The following C1QTNF7 variants were observed in gnomAD, a reference collection of about 807,000 sequenced individuals.
C1QTNF7 encodes the protein complement C1q tumor necrosis factor-related protein 7.
In C1QTNF7, 15 loss-of-function variants were observed where a neutral mutation model predicts 19.6. That is an observed-to-expected ratio of 0.76 (90% CI 0.51 to 1.18). The LOEUF (loss-of-function observed/expected upper bound fraction) is 1.18, where lower values mean the gene tolerates loss of function less well. Among genes scored for constraint, C1QTNF7 ranks in the 50% most tolerant of loss-of-function variants. The pLI is 0.00. For synonymous variants in C1QTNF7, 142 were observed against 137.5 expected, an observed-to-expected ratio of 1.03 and a Z score of -0.23; for missense variants, 324 against 359.7, an observed-to-expected ratio of 0.90 and a Z score of 0.80.
chr4:15,364,055 T>A (rs1214704335), intron 1 of C1QTNF7, among the ~76,000 whole-genome samples: 2 of 152,222 alleles, frequency 1.3e-5, no homozygotes, highest in Non-Finnish European at 2.9e-5. Context: ...TAATTAATCT[T>A]GTTATGATCC....
At chr4:15,439,167 G>A (rs145012116) in intron 2 of C1QTNF7, among the ~76,000 whole-genome samples, 1 of 152,292 alleles carries the variant, frequency 6.6e-6, no homozygotes, top group Non-Finnish European at 1.5e-5. Flanking sequence ...CACTCTTAAT[G>A]TGTGGAACCT....
intron 2 of C1QTNF7, among the ~76,000 whole-genome samples, chr4:15,440,569 G>A (rs1023662363): frequency 2.6e-5 from 4 of 151,916 alleles, no homozygotes; most frequent in Non-Finnish European, 4.4e-5. Flanking sequence ...CACCACGTCC[G>A]GCTAATTTTT....
chr4:15,420,506 A>G (rs1711697263), intron 1 of C1QTNF7, among the ~76,000 whole-genome samples: 4 of 152,246 alleles, frequency 2.6e-5, no homozygotes, highest in Admixed American at 1.3e-4. Flanking sequence ...CTGCACCAAC[A>G]GAAATCAACA....
intron 1 of C1QTNF7, among the ~76,000 whole-genome samples, chr4:15,402,339 T>G (rs1213672066): frequency 6.6e-6 from 1 of 152,200 alleles, no homozygotes; most frequent in Non-Finnish European, 1.5e-5. Context: ...ATTCAAGGAC[T>G]GTATTAACAA....
In C1QTNF7 at chr4:15,442,580, G is replaced by A; in HGVS notation, c.651G>A (p.Arg217=). 1 of 1,614,170 alleles carries A rather than the reference G, an allele frequency of 6.2e-7. No homozygotes were observed. The highest frequency in any genetic ancestry group is 8.5e-7 in the Non-Finnish European group (1 of 1,180,042). Residue 217 remains arginine, a synonymous_variant, in exon 3 of 3, where the codon CGG becomes CGA. Coordinates refer to ENST00000444304, the MANE Select transcript of C1QTNF7 (RefSeq NM_031911.5). The stretch of plus-strand genomic sequence containing the variant: ...GACTGGTACACAATGGGCAATACCG[G>A]ATAAAGACCTTCGACGCCAACACAG... ...AIGLVHNGQY[R]IKTFDANTGN...
At chr4:15,356,898 T>G (rs1227333369) in intron 1 of C1QTNF7, among the ~76,000 whole-genome samples, 1 of 152,186 alleles carries the variant, frequency 6.6e-6, no homozygotes, top group Non-Finnish European at 1.5e-5. Flanking sequence ...ATGTCTCTTT[T>G]GAGAAGTGTC....
intron 1 of C1QTNF7, among the ~76,000 whole-genome samples, chr4:15,354,864 G>T (rs2109292433): frequency 6.6e-6 from 1 of 152,200 alleles, no homozygotes; most frequent in African/African-American, 2.4e-5. Context: ...GGGTTCACTT[G>T]ACCTTGGCCA....
chr4:15,348,466 A>G (rs554013064), intron 1 of C1QTNF7, among the ~76,000 whole-genome samples: 167 of 152,234 alleles, frequency 1.1e-3, no homozygotes, highest in African/African-American at 3.9e-3. Context: ...TTCCTCAGAG[A>G]TATGTTATCA....
chr4:15,349,350 G>A (rs1007576796), intron 1 of C1QTNF7, among the ~76,000 whole-genome samples: 1 of 151,876 alleles, frequency 6.6e-6, no homozygotes, highest in Non-Finnish European at 1.5e-5. Flanking sequence ...TTGCATTTAC[G>A]CTGTATTTTC....
chr4:15,349,677 T>C (rs1434733695), intron 1 of C1QTNF7, among the ~76,000 whole-genome samples: 3 of 152,158 alleles, frequency 2.0e-5, no homozygotes, highest in Non-Finnish European at 4.4e-5. Flanking sequence ...CTGGGTGAAG[T>C]ACCAAAGGAG....
At chr4:15,387,162 TCCA>T (rs1718369701) in intron 1 of C1QTNF7, among the ~76,000 whole-genome samples, 14 of 152,306 alleles carry the variant, frequency 9.2e-5, no homozygotes, top group South Asian at 4.1e-4. Flanking sequence ...CAAAGGGGAC[TCCA>T]AGTTATTTGG....
At chr4:15,421,148 G>A (rs1374965550) in intron 1 of C1QTNF7, among the ~76,000 whole-genome samples, 2 of 151,382 alleles carry the variant, frequency 1.3e-5, no homozygotes, top group Non-Finnish European at 2.9e-5. Context: ...TAAACGTTTA[G>A]AAACACCAAA....
Position 15,444,758 on chromosome 4 carries a change from C to G in C1QTNF7, c.*1959C>G, listed in dbSNP as rs898516774. 6.6e-6 allele frequency: 1 copy of G among 152,118 alleles called. No individual in the cohort carries two copies. The highest frequency in any genetic ancestry group is 1.5e-5 in the Non-Finnish European group (1 of 68,022). The allele number at this position is 152,118 out of a possible 1,614,324, so 9.4% of individuals were successfully genotyped here. On this transcript the variant is annotated 3_prime_UTR_variant, in exon 3 of 3. Coordinates refer to ENST00000444304, the MANE Select transcript of C1QTNF7 (RefSeq NM_031911.5). The stretch of plus-strand genomic sequence containing the variant: ...AGGGAAATCCTCTCTGCTCATTGGG[C>G]CTTACATGATGGGTGACACTTGGAG...
intron 1 of C1QTNF7, among the ~76,000 whole-genome samples, chr4:15,410,518 A>G (rs11934015): frequency 0.36 from 55,149 of 152,062 alleles, 10,160 homozygotes; most frequent in East Asian, 0.55. Context: ...ATATTCCACT[A>G]AGTGACTAAC....
chr4:15,366,922 T>G (rs747987567), intron 1 of C1QTNF7, among the ~76,000 whole-genome samples: 1 of 152,108 alleles, frequency 6.6e-6, no homozygotes, highest in African/African-American at 2.4e-5. Context: ...GGGGAAAAGA[T>G]AGTGATGATT....
At chr4:15,366,898 A>C (rs1717544553) in intron 1 of C1QTNF7, among the ~76,000 whole-genome samples, 1 of 152,146 alleles carries the variant, frequency 6.6e-6, no homozygotes, top group Admixed American at 6.5e-5. Flanking sequence ...GCACATGAGG[A>C]ATGGAAAAAT....
intron 1 of C1QTNF7, among the ~76,000 whole-genome samples, chr4:15,435,208 G>A (rs1019776698): frequency 6.6e-6 from 1 of 152,138 alleles, no homozygotes; most frequent in Non-Finnish European, 1.5e-5. Flanking sequence ...ACATAATTTT[G>A]ACATGAGAAG....
chr4:15,420,573 A>C (rs151306635), intron 1 of C1QTNF7, among the ~76,000 whole-genome samples: 58 of 152,350 alleles, frequency 3.8e-4, no homozygotes, highest in African/African-American at 1.3e-3. Context: ...TACTTCATCA[A>C]ACTTTATAAC....
At chr4:15,384,857 T>C (rs907864042) in intron 1 of C1QTNF7, among the ~76,000 whole-genome samples, 1 of 151,348 alleles carries the variant, frequency 6.6e-6, no homozygotes, top group Non-Finnish European at 1.5e-5. Flanking sequence ...CTCCGGGGAG[T>C]GGGGTTGCAG....
Sources: allele counts gnomAD v4.1 joint callset (sites outside exome capture counted in the v4.1 genomes callset), GRCh38; gene constraint gnomAD v4.1.1; transcripts MANE v1.5; gene names NCBI Gene and HGNC (gene_info 2026-07-23, HGNC 2026-07-21).